The following RGL3 variants were observed in gnomAD, a reference collection of about 807,000 sequenced individuals.
RGL3 encodes ral guanine nucleotide dissociation stimulator like 3.
RGL3 carries 85 observed loss-of-function variants against 90.6 expected under a neutral mutation model. The ratio of observed to expected loss-of-function variants is 0.94; its 90% CI spans 0.79 to 1.12. The LOEUF is 1.12. Ranked by LOEUF, RGL3 falls within the 50% of genes most tolerant of loss-of-function variation. The pLI, the probability that RGL3 is intolerant of heterozygous loss-of-function variation, is 0.00. For synonymous variants in RGL3, 408 were observed against 385.5 expected (o/e 1.06, Z -0.68); for missense variants, 1,034 against 939.2 (o/e 1.10, Z -1.32).
Position 11,394,414 on chromosome 19 carries a change from G to A in RGL3, c.2121C>T (p.Val707=), listed in dbSNP as rs1968528455. ...GGACAGGGCTGCCTCAGCTTGGGGA[G>A]ACAGACAGAGTGTTCCGGGTCCCCT... ...RKEGTRNTLS[V]SPS Residue 707 remains valine, a synonymous_variant, in exon 19 of 19, where the codon GTC becomes GTT. Transcript: ENST00000380456. 6.2e-7 allele frequency: 1 copy of A among 1,613,166 alleles called. No homozygotes were observed. The highest frequency in any genetic ancestry group is 8.5e-7 in the Non-Finnish European group (1 of 1,179,344).
At position 11,406,540 on chromosome 19, in the gene RGL3, C is replaced by T. The variant is rs1275290518; in HGVS notation, c.875G>A (p.Arg292His). 5 of 1,550,078 alleles carry T rather than the reference C, an allele frequency of 3.2e-6. No homozygotes were observed. The highest frequency in any genetic ancestry group is 2.4e-5 in the South Asian group (2 of 84,218). The change falls in exon 7 of 19, where the codon CGC (arginine) becomes CAC (histidine). Residue 292 changes from arginine to histidine, a missense_variant. Coordinates refer to ENST00000380456, the MANE Select transcript of RGL3 (RefSeq NM_001035223.4). ...GGTGTTGAACTGGGCCACGGTGGCGCGCACAGTGGGGGAGGCGCCTGCAGC... is the reference window on the plus strand; with the variant it reads ...GGTGTTGAACTGGGCCACGGTGGCGTGCACAGTGGGGGAGGCGCCTGCAGC... ...PGAAGASPTVRATVAQFNTVT... is the reference protein window; with the variant it reads ...PGAAGASPTVHATVAQFNTVT...
At chr19:11,396,075 A>T (rs1968560013) in intron 18 of RGL3, among the ~76,000 whole-genome samples, 2 of 137,042 alleles carry the variant, frequency 1.5e-5, no homozygotes, top group African/African-American at 2.7e-5. Flanking sequence ...TTGGGAATAC[A>T]GGCACATGCC....
At position 11,418,665 on chromosome 19, in the gene RGL3, C is replaced by T. The variant is rs1193841668; in HGVS notation, c.147+6G>A. On this transcript the variant is annotated splice_donor_region_variant and intron_variant, in intron 2 of 18. Coordinates refer to ENST00000380456, the MANE Select transcript of RGL3 (RefSeq NM_001035223.4). ...CCCCGCGCCACCCACCAAACCCCCT[C>T]CTCACCTGGCTGCCCCCGGGGCCCT... 4 of 1,541,994 alleles carry T rather than the reference C, an allele frequency of 2.6e-6. No homozygotes were observed. Among genetic ancestry groups the T allele is most frequent in the South Asian group, 1.2e-5 (1 of 84,214 alleles).
rs752133506 is a variant in RGL3 at position 11,397,527 on chromosome 19, A to C, written c.1817T>G (p.Leu606Arg). ...GGCCTCCGAGCTCTGCTGCGCCGGG[A>C]GGGGGATTCGAGGGCTGCCCAGAGG... is the stretch of plus-strand genomic sequence containing the variant. ...ALPLGSPRIP[L>R]PAQQSSEARV... The change falls in exon 17 of 19, where the codon CTC becomes CGC. Residue 606 changes from leucine (L) to arginine (R), a missense_variant. Coordinates refer to ENST00000380456, the MANE Select transcript of RGL3 (RefSeq NM_001035223.4). 1 of 1,612,860 alleles carries C rather than the reference A, an allele frequency of 6.2e-7. No homozygotes were observed. The highest frequency in any genetic ancestry group is 2.2e-5 in the East Asian group (1 of 44,842).
At chr19:11,396,159 T>TATA (rs1491194960) in intron 18 of RGL3, among the ~76,000 whole-genome samples, 7 of 26,474 alleles carry the variant, frequency 2.6e-4, no homozygotes, top group African/African-American at 1.9e-3. Context: ...TATATATATA[T>TATA]TTTTTTTTTT....
At chr19:11,401,586 A>G (rs967992704) in intron 13 of RGL3, among the ~76,000 whole-genome samples, 4 of 151,588 alleles carry the variant, frequency 2.6e-5, no homozygotes, top group Admixed American at 6.6e-5. Context: ...TTTTTAGTAG[A>G]GACGGGGTTT....
intron 5 of RGL3, among the ~76,000 whole-genome samples, chr19:11,413,572 C>T (rs1490793398): frequency 6.9e-6 from 1 of 145,728 alleles, no homozygotes; most frequent in Non-Finnish European, 1.5e-5. Context: ...GGGTCAGGCA[C>T]AGTAGCTCAC....
At chr19:11,409,435 C>T (rs1968837545) in intron 5 of RGL3, among the ~76,000 whole-genome samples, 1 of 152,158 alleles carries the variant, frequency 6.6e-6, no homozygotes, top group African/African-American at 2.4e-5. Context: ...AAGCCGAGAT[C>T]ATGCCACTGC....
chr19:11,415,890 A>G (rs779331593), intron 5 of RGL3, 47 bp downstream of exon 5: 11 of 1,504,178 alleles, frequency 7.3e-6, no homozygotes, highest in Non-Finnish European at 9.9e-6. Context: ...GAAGAAGCAG[A>G]CAGGAAAGGC....
At position 11,404,433 on chromosome 19, in the gene RGL3, G is replaced by A. The variant is rs190385734; in HGVS notation, c.1185+714C>T. 9.2e-5 allele frequency among the ~76,000 whole-genome samples: 14 copies of A among 152,304 alleles called. No individual in the cohort carries two copies. In the East Asian group the frequency reaches 1.5e-3, roughly 17 times the overall value. On this transcript the variant is annotated intron_variant, in intron 9 of 18. Transcript: ENST00000380456. ...CCCAGCTACATGGGAGGCTGAGGCA[G>A]AGAGAATTGCTTGATCCTGGGAGGT...
intron 18 of RGL3, among the ~76,000 whole-genome samples, chr19:11,396,156 A>ATTTTTTT (rs1568334127): frequency 1.9e-5 from 1 of 51,332 alleles, no homozygotes; most frequent in Admixed American, 2.6e-4. Context: ...ATATATATAT[A>ATTTTTTT]TATTTTTTTT....
chr19:11,414,264 T>C (rs60636071), intron 5 of RGL3, among the ~76,000 whole-genome samples: 10 of 95,362 alleles, frequency 1.0e-4, no homozygotes, highest in African/African-American at 1.7e-4. Context: ...TATATACCTT[T>C]ATATATATAT....
intron 5 of RGL3, among the ~76,000 whole-genome samples, chr19:11,414,981 T>C (rs2144740684): frequency 6.6e-6 from 1 of 151,798 alleles, no homozygotes; most frequent in South Asian, 2.1e-4. Context: ...TACAAAAAAA[T>C]TAGCCGGGCG....
chr19:11,401,824 G>A (rs1193093959), intron 13 of RGL3, among the ~76,000 whole-genome samples, 187 bp downstream of exon 13: 3 of 152,126 alleles, frequency 2.0e-5, no homozygotes, highest in South Asian at 2.1e-4. Flanking sequence ...GGGATTACAC[G>A]AGTAAACCAC....
chr19:11,400,342 AG>A (rs2144719793), intron 13 of RGL3, 45 bp from the exon 14 acceptor site: 1 of 1,479,592 alleles, frequency 6.8e-7, no homozygotes, highest in East Asian at 2.4e-5. Flanking sequence ...CAGGAAATAC[AG>A]GGGATGGAGA....
In RGL3 at chr19:11,414,134, CATATATATATATATATATATATATATAT is replaced by C. The variant is rs56098998; in HGVS notation, c.637+1775_637+1802del. 6.9e-4 allele frequency among the ~76,000 whole-genome samples: 21 copies of C among 30,430 alleles called. No homozygotes were observed. In the South Asian group the frequency reaches 0.012, roughly 18 times the overall value. The allele number at this position is 30,430 out of a possible 152,430, so 20.0% of individuals were successfully genotyped here. A position where few individuals can be genotyped will look rare whatever the true frequency, so the allele number is the denominator to read the frequency against. On this transcript the variant is annotated intron_variant, in intron 5 of 18. Transcript: ENST00000380456. ...ATGACTTGGAATCAGCTGGAGAAAT[CATATATATATATATATATATATATATAT>C]ATATATATATATATACACCTATATA...
At chr19:11,419,018 T>C in intron 1 of RGL3, 1 of 645,802 alleles carries the variant, frequency 1.5e-6, no homozygotes, top group African/African-American at 1.9e-5. Context: ...GGGCCCAGTC[T>C]AATAGAACCT....
At chr19:11,418,396 C>CCCAA in intron 2 of RGL3, 1 of 503,308 alleles carries the variant, frequency 2.0e-6, no homozygotes, top group South Asian at 2.6e-5. Context: ...ACCTGCCTTT[C>CCCAA]CCAACTCTGC....
At chr19:11,400,018 C>A in intron 15 of RGL3, 22 bp downstream of exon 15, 1 of 1,602,324 alleles carries the variant, frequency 6.2e-7, no homozygotes, top group African/African-American at 1.3e-5. Context: ...TCCCCAGTCC[C>A]ATCACCAAGC....
Sources: gnomAD v4.1 joint callset for allele counts (sites outside exome capture counted in the v4.1 genomes callset) on GRCh38, gnomAD v4.1.1 for gene constraint, MANE v1.5 for transcripts, NCBI Gene and HGNC (gene_info 2026-07-23, HGNC 2026-07-21) for gene names.